Variants in SAMD12 observed in about 807,000 individuals in gnomAD.
SAMD12 encodes sterile alpha motif domain containing 12.
SAMD12 carries 9 observed loss-of-function variants against 15.0 expected under a neutral mutation model. The observed-to-expected ratio is 0.60, with a 90% confidence interval of 0.36 to 1.05. The LOEUF (loss-of-function observed/expected upper bound fraction) is 1.05. SAMD12 is among the 50% of genes least tolerant of loss of function. SAMD12 has a pLI of 0.01. For synonymous variants in SAMD12, 86 were observed against 90.1 expected, an observed-to-expected ratio of 0.96 and a Z score of 0.25; for missense variants, 230 against 234.2, an observed-to-expected ratio of 0.98 and a Z score of 0.12.
intron 4 of SAMD12, among the ~76,000 whole-genome samples, chr8:118,318,327 T>TATATATATATATATACATAC (rs1563758918): frequency 2.9e-5 from 1 of 35,056 alleles, no homozygotes; most frequent in Non-Finnish European, 9.3e-5. Context: ...TATATATATA[T>TATATATATATATATACATAC]ATATATATAT....
At chr8:118,429,602 G>C (rs988606089) in intron 3 of SAMD12, among the ~76,000 whole-genome samples, 1 of 151,800 alleles carries the variant, frequency 6.6e-6, no homozygotes, top group African/African-American at 2.4e-5. Flanking sequence ...ATATTTAATA[G>C]AAGGTAAGTA....
chr8:118,279,457 T>C (rs1464347908), intron 4 of SAMD12, among the ~76,000 whole-genome samples: 1 of 152,226 alleles, frequency 6.6e-6, no homozygotes, highest in Non-Finnish European at 1.5e-5. Flanking sequence ...AATGATCAGA[T>C]ATCACCATCT....
chr8:118,282,159 G>T, intron 4 of SAMD12: 1 of 393,816 alleles, frequency 2.5e-6, no homozygotes, highest in Non-Finnish European at 5.0e-6. Context: ...TGACCTTATG[G>T]TGTAAGTAAA....
chr8:118,398,385 T>C (rs1199198617), intron 3 of SAMD12, among the ~76,000 whole-genome samples: 5 of 152,056 alleles, frequency 3.3e-5, no homozygotes, highest in African/African-American at 7.2e-5. Context: ...GGCAACAGAA[T>C]GAGAATCTGT....
At chr8:118,224,697 C>T (rs189596830) in intron 4 of SAMD12, among the ~76,000 whole-genome samples, 18 of 152,114 alleles carry the variant, frequency 1.2e-4, no homozygotes, top group African/African-American at 3.4e-4. Context: ...AAGAAGCTTC[C>T]AGAGGCTGGC....
At chr8:118,608,748 C>A (rs1267284757) in intron 1 of SAMD12, among the ~76,000 whole-genome samples, 1 of 152,148 alleles carries the variant, frequency 6.6e-6, no homozygotes, top group Non-Finnish European at 1.5e-5. Flanking sequence ...AGGTAATCTG[C>A]CCGCCTGGGC....
rs536796275 is a variant in SAMD12 at position 118,476,702 on chromosome 8, T to C, written c.193-36741A>G. ...TTCAACAAATTTGAACAGGTGGCTC[T>C]AGGAACATGACAATAGTAGGCATGT... On this transcript the variant is annotated intron_variant, in intron 2 of 3. Coordinates refer to ENST00000314727, the MANE Select transcript of SAMD12 (RefSeq NM_207506.3). Among the ~76,000 whole-genome samples the C allele has an allele frequency of 3.9e-5, 6 of 152,354 alleles. No homozygotes were observed. The South Asian group carries it at 8.3e-4, about 21-fold the overall frequency.
Position 118,392,717 on chromosome 8 carries a change from A to G in SAMD12, c.323-13017T>C, listed in dbSNP as rs1266058757. 2.6e-5 allele frequency among the ~76,000 whole-genome samples: 4 copies of G among 152,320 alleles called. No individual in the cohort carries two copies. In the South Asian group the frequency reaches 6.2e-4, roughly 24 times the overall value. ...TAGACAAACTTTTCTGCTTCACTTT[A>G]TCTAGAACAGGGGATTACTGATATT... On this transcript the variant is annotated intron_variant, in intron 3 of 3. Coordinates refer to ENST00000314727, the MANE Select transcript of SAMD12 (RefSeq NM_207506.3).
In SAMD12 at chr8:118,216,486, T is replaced by C. The variant is rs113297645; in HGVS notation, c.434-18754A>G. ...TTTAATTAGATCCCATTTGTCAATT[T>C]TGTCTTTTCTTGCCATTGCTTTTGG... On this transcript the variant is annotated intron_variant, in intron 4 of 4. Coordinates refer to the SAMD12 transcript ENST00000409003. Among the ~76,000 whole-genome samples the C allele has an allele frequency of 1.2e-3, 190 of 152,294 alleles. 2 individuals are homozygous for C. Among genetic ancestry groups the C allele is most frequent in the African/African-American group, 4.4e-3 (183 of 41,560 alleles).
chr8:118,302,811 T>G (rs1815117224), intron 4 of SAMD12, among the ~76,000 whole-genome samples: 1 of 152,276 alleles, frequency 6.6e-6, no homozygotes, highest in East Asian at 1.9e-4. Flanking sequence ...CAGAGAGAAG[T>G]CCAAGAAATC....
intron 2 of SAMD12, among the ~76,000 whole-genome samples, chr8:118,477,248 T>C (rs1376162054): frequency 6.6e-6 from 1 of 152,116 alleles, no homozygotes; most frequent in African/African-American, 2.4e-5. Context: ...ATATTTTTAG[T>C]AGAGACAGGG....
At chr8:118,618,826 A>G (rs1023641045) in intron 1 of SAMD12, among the ~76,000 whole-genome samples, 4 of 143,538 alleles carry the variant, frequency 2.8e-5, no homozygotes, top group African/African-American at 7.5e-5. Flanking sequence ...GCGACAGAGC[A>G]AGACTCCGTC....
At chr8:118,570,763 A>G (rs965642150) in intron 2 of SAMD12, among the ~76,000 whole-genome samples, 7 of 152,062 alleles carry the variant, frequency 4.6e-5, no homozygotes, top group African/African-American at 1.2e-4. Flanking sequence ...CTGTGTCCCC[A>G]CCCAAATCTC....
intron 4 of SAMD12, among the ~76,000 whole-genome samples, chr8:118,282,859 T>C (rs1225125288): frequency 6.6e-6 from 1 of 152,178 alleles, no homozygotes; most frequent in Non-Finnish European, 1.5e-5. Context: ...TATGTGTGTG[T>C]GTGTAGCTGT....
intron 4 of SAMD12, among the ~76,000 whole-genome samples, chr8:118,209,377 G>A (rs1015470703): frequency 2.0e-5 from 3 of 152,242 alleles, no homozygotes; most frequent in Admixed American, 1.3e-4. Context: ...GAGGTTTGGA[G>A]ATCTTCCCTG....
intron 2 of SAMD12, among the ~76,000 whole-genome samples, chr8:118,499,018 A>G (rs1563895937): frequency 6.6e-6 from 1 of 152,230 alleles, no homozygotes; most frequent in Non-Finnish European, 1.5e-5. Context: ...ATTATCTGTC[A>G]GAATAGGCTA....
At chr8:118,408,954 A>G (rs2130807381) in intron 3 of SAMD12, among the ~76,000 whole-genome samples, 1 of 152,176 alleles carries the variant, frequency 6.6e-6, no homozygotes, top group East Asian at 1.9e-4. Flanking sequence ...GTTGGAGTGC[A>G]GTGGTGCACT....
At chr8:118,558,017 C>A (rs1482358946) in intron 2 of SAMD12, among the ~76,000 whole-genome samples, 1 of 152,140 alleles carries the variant, frequency 6.6e-6, no homozygotes, top group Non-Finnish European at 1.5e-5. Flanking sequence ...CTTATCTGGT[C>A]TTCTACTCAT....
At chr8:118,321,092 AATAACATATATAAT>A (rs1442396289) in intron 4 of SAMD12, among the ~76,000 whole-genome samples, 19 of 107,956 alleles carry the variant, frequency 1.8e-4, no homozygotes, top group African/African-American at 9.6e-4. Flanking sequence ...ATACATATAT[AATAACATATATAAT>A]ATATATGATA....
Sources: allele counts gnomAD v4.1 joint callset (sites outside exome capture counted in the v4.1 genomes callset), GRCh38; gene constraint gnomAD v4.1.1; transcripts MANE v1.5; gene names NCBI Gene and HGNC (gene_info 2026-07-23, HGNC 2026-07-21).